Variants in LINGO2 observed in about 807,000 individuals in gnomAD.
LINGO2 encodes leucine rich repeat and Ig domain containing 2, also known as leucine-rich repeat and immunoglobulin-like domain-containing nogo receptor-interacting protein 2.
A neutral mutation model predicts 30.6 loss-of-function variants in LINGO2; 14 were observed. The observed-to-expected ratio is 0.46, with a 90% CI of 0.30 to 0.72. The LOEUF (loss-of-function observed/expected upper bound fraction) is 0.72, where lower values mean the gene tolerates loss of function less well. LINGO2 is among the 30% of genes least tolerant of loss of function. The pLI is 0.07. For missense variants in LINGO2, 729 were observed against 751.7 expected, an observed-to-expected ratio of 0.97 and a Z score of 0.35; for synonymous variants, 317 against 288.5, an observed-to-expected ratio of 1.10 and a Z score of -1.00.
At chr9:28,055,743 GTC>G (rs1423023801) in intron 4 of LINGO2, among the ~76,000 whole-genome samples, 4 of 152,144 alleles carry the variant, frequency 2.6e-5, no homozygotes, top group African/African-American at 9.6e-5. Context: ...TCAAAGACAA[GTC>G]TCTCTTGGAA....
intron 4 of LINGO2, among the ~76,000 whole-genome samples, chr9:28,015,251 T>TC (rs1315812730): frequency 6.6e-6 from 1 of 152,142 alleles, no homozygotes; most frequent in Non-Finnish European, 1.5e-5. Context: ...TCTCCTATTC[T>TC]CCCAAGGTTT....
At chr9:28,122,615 A>T (rs567664843) in intron 4 of LINGO2, among the ~76,000 whole-genome samples, 19 of 152,278 alleles carry the variant, frequency 1.2e-4, no homozygotes, top group Middle Eastern at 6.8e-3. Flanking sequence ...GGGTTTCAGT[A>T]TGAAAGTTGT....
chr9:28,288,210 G>A (rs747343969), intron 4 of LINGO2, among the ~76,000 whole-genome samples: 6 of 152,050 alleles, frequency 3.9e-5, no homozygotes, highest in Non-Finnish European at 8.8e-5. Context: ...AGCCACTACC[G>A]ATACATCCAG....
the LINGO2 span, among the ~76,000 whole-genome samples, chr9:28,925,154 G>C: frequency 6.6e-6 from 1 of 151,998 alleles, no homozygotes; most frequent in Non-Finnish European, 1.5e-5. Context: ...AATTGTTATT[G>C]GTTAAAAAAT....
intron 1 of LINGO2, among the ~76,000 whole-genome samples, chr9:28,543,832 C>T (rs957676635): frequency 6.6e-6 from 1 of 151,986 alleles, no homozygotes; most frequent in Non-Finnish European, 1.5e-5. Flanking sequence ...GGTTAGAAGG[C>T]ACCTGATGAC....
chr9:28,032,131 G>T (rs1313691592), intron 4 of LINGO2, among the ~76,000 whole-genome samples: 2 of 151,980 alleles, frequency 1.3e-5, no homozygotes, highest in Non-Finnish European at 2.9e-5. Context: ...TTTGAAAACC[G>T]ATTGCTCTGC....
chr9:28,971,026 C>T, the LINGO2 span, among the ~76,000 whole-genome samples: 1 of 152,254 alleles, frequency 6.6e-6, no homozygotes, highest in South Asian at 2.1e-4. Context: ...GACTGCCTTG[C>T]TTCTTGGATA....
chr9:28,316,531 G>T (rs1196629515), intron 3 of LINGO2, among the ~76,000 whole-genome samples: 3 of 152,030 alleles, frequency 2.0e-5, no homozygotes, highest in Admixed American at 1.3e-4. Flanking sequence ...GAAAAACTTT[G>T]AAAACTTCTA....
At chr9:28,545,655 AAG>A (rs1479447582) in intron 1 of LINGO2, among the ~76,000 whole-genome samples, 2 of 151,858 alleles carry the variant, frequency 1.3e-5, no homozygotes, top group African/African-American at 2.4e-5. Context: ...GGAGAGGAAA[AAG>A]AGGGGGGGAA....
intron 4 of LINGO2, among the ~76,000 whole-genome samples, chr9:28,099,743 T>A (rs748560007): frequency 1.3e-5 from 2 of 152,190 alleles, no homozygotes; most frequent in Non-Finnish European, 2.9e-5. Context: ...TGATTCACAC[T>A]GATAAAATGG....
chr9:29,058,788 C>T, the LINGO2 span, among the ~76,000 whole-genome samples: 11 of 151,540 alleles, frequency 7.3e-5, no homozygotes, highest in South Asian at 1.7e-3. Flanking sequence ...TCAAACACAA[C>T]GTAACACAGG....
intron 3 of LINGO2, among the ~76,000 whole-genome samples, chr9:28,369,599 A>G (rs530238086): frequency 2.9e-3 from 436 of 152,320 alleles, no homozygotes; most frequent in African/African-American, 0.01. Flanking sequence ...ATAAAATCAG[A>G]CAGGTAGGTG....
At chr9:29,015,111 G>A in the LINGO2 span, among the ~76,000 whole-genome samples, 6 of 152,070 alleles carry the variant, frequency 3.9e-5, no homozygotes, top group Non-Finnish European at 8.8e-5. Context: ...TTGAAAGACG[G>A]ACATAGAGTG....
intron 4 of LINGO2, among the ~76,000 whole-genome samples, chr9:28,100,973 C>T (rs940500790): frequency 1.3e-5 from 2 of 152,066 alleles, no homozygotes; most frequent in Admixed American, 6.6e-5. Context: ...TGAAGATACA[C>T]AGATAAGGGT....
intron 4 of LINGO2, among the ~76,000 whole-genome samples, chr9:28,038,411 TG>T (rs1437293411): frequency 6.6e-6 from 1 of 152,196 alleles, no homozygotes; most frequent in Non-Finnish European, 1.5e-5. Context: ...GCCTTGCTTA[TG>T]GCTGGGCGCG....
chr9:29,160,459 C>T, the LINGO2 span, among the ~76,000 whole-genome samples: 4 of 152,146 alleles, frequency 2.6e-5, no homozygotes, highest in Non-Finnish European at 5.9e-5. Context: ...ATTGAGATAA[C>T]ATATTTGAAA....
rs921442884 is a variant in LINGO2 at position 28,643,774 on chromosome 9, C to A, written c.-365+26426G>T. 2.0e-5 allele frequency among the ~76,000 whole-genome samples: 3 copies of A among 151,914 alleles called. 1 individual carries two copies. Among genetic ancestry groups the A allele is most frequent in the Admixed American group, 6.6e-5 (1 of 15,258 alleles). On this transcript the variant is annotated intron_variant, in intron 1 of 5. Transcript: ENST00000379992. The stretch of plus-strand genomic sequence containing the variant: ...CCCACAGAATGGGAGAAGAAACATG[C>A]GAACTACCCATCTGACAAGGAAACA...
intron 4 of LINGO2, among the ~76,000 whole-genome samples, chr9:28,172,672 A>C (rs13299881): frequency 0.11 from 16,933 of 152,238 alleles, 1,226 homozygotes; most frequent in Middle Eastern, 0.18. Context: ...GTTTCAGGAG[A>C]TCACAAAGCT....
intron 2 of LINGO2, among the ~76,000 whole-genome samples, chr9:28,414,106 AG>A (rs1472726813): frequency 1.1e-4 from 17 of 152,058 alleles, no homozygotes; most frequent in Admixed American, 1.3e-4. Flanking sequence ...TGAAAGAGAC[AG>A]GCTCCATAAG....
Sources: allele counts gnomAD v4.1 joint callset (sites outside exome capture counted in the v4.1 genomes callset), GRCh38; gene constraint gnomAD v4.1.1; transcripts MANE v1.5; gene names NCBI Gene and HGNC (gene_info 2026-07-23, HGNC 2026-07-21).